C4orf51: variants seen among roughly 807,000 people sequenced by gnomAD.
C4orf51 encodes the protein uncharacterized protein C4orf51.
Under a neutral mutation model 25.2 loss-of-function variants are expected in C4orf51, and 25 were observed. The observed-to-expected ratio is 0.99, with a 90% confidence interval of 0.72 to 1.39. The LOEUF (loss-of-function observed/expected upper bound fraction) is 1.39. Ranked by LOEUF, C4orf51 falls within the 40% of genes most tolerant of loss-of-function variation. C4orf51 has a pLI of 0.00. For synonymous variants in C4orf51, 100 were observed against 84.5 expected (o/e 1.18, Z -1.01); for missense variants, 252 against 239.6 (o/e 1.05, Z -0.34).
intron 2 of C4orf51, among the ~76,000 whole-genome samples, chr4:145,697,328 G>C (rs970046304): frequency 1.3e-5 from 2 of 152,056 alleles, no homozygotes; most frequent in Non-Finnish European, 2.9e-5. Flanking sequence ...TCAAACTCCT[G>C]ACCTTGTGAT....
Position 145,680,287 on chromosome 4 carries a change from C to G in C4orf51, c.84C>G (p.Arg28=), listed in dbSNP as rs768212470. 2 of 1,613,976 alleles carry G rather than the reference C, an allele frequency of 1.2e-6. No individual in the cohort carries two copies. Among genetic ancestry groups the G allele is most frequent in the South Asian group, 1.1e-5 (1 of 91,088 alleles). ...LTSQEFDLIR[R]KAGASWQDET... The stretch of plus-strand genomic sequence containing the variant: ...CTCAAGAGTTTGATCTGATCAGACG[C>G]AAGGCTGGAGCATCTTGGCAGGATG... The change falls in exon 1 of 6, where the codon CGC becomes CGG. Residue 28 remains arginine (R), a synonymous_variant. Coordinates refer to ENST00000438731, the MANE Select transcript of C4orf51 (RefSeq NM_001080531.3).
chr4:145,732,497 G>A lies in C4orf51; in HGVS notation c.546G>A (p.Glu182=), dbSNP rs1244505632. The change falls in exon 6 of 6, where the codon GAG becomes GAA. Residue 182 remains glutamate (E), a synonymous_variant. Coordinates refer to ENST00000438731, the MANE Select transcript of C4orf51 (RefSeq NM_001080531.3). ...CDSESKVCSS[E]DSEADRYSDY... Reference sequence around the variant, plus strand: ...CTGAAAGCAAGGTTTGCTCATCTGAGGATTCAGAAGCTGATCGATACTCCG... The same window carrying A: ...CTGAAAGCAAGGTTTGCTCATCTGAAGATTCAGAAGCTGATCGATACTCCG... 6.2e-7 allele frequency: 1 copy of A among 1,611,468 alleles called. No individual in the cohort carries two copies. Among genetic ancestry groups the A allele is most frequent in the Non-Finnish European group, 8.5e-7 (1 of 1,179,010 alleles).
chr4:145,774,568 G>T, downstream of C4orf51: 1 of 1,613,138 alleles, frequency 6.2e-7, no homozygotes, highest in Non-Finnish European at 8.5e-7. Context: ...GAAGTCGCAG[G>T]CAGTGCAGCA....
In C4orf51 at chr4:145,693,923, C is replaced by T. The variant is rs1260649673; in HGVS notation, c.234-2636C>T. ...CTTCCCAGATGGGGTGGCTGCCGGGCGGAGACGCTCCTCACTTCCCAGATG... is the reference window on the plus strand; with the variant it reads ...CTTCCCAGATGGGGTGGCTGCCGGGTGGAGACGCTCCTCACTTCCCAGATG... On this transcript the variant is annotated intron_variant, in intron 1 of 5. Coordinates refer to ENST00000438731, the MANE Select transcript of C4orf51 (RefSeq NM_001080531.3). Among the ~76,000 whole-genome samples the T allele has an allele frequency of 4.2e-5, 6 of 143,928 alleles. 1 individual carries two copies. The highest frequency in any genetic ancestry group is 7.8e-5 in the African/African-American group (3 of 38,544). The allele number at this position is 143,928 out of a possible 152,430, so 94.4% of individuals were successfully genotyped here. A position where few individuals can be genotyped will look rare whatever the true frequency, so the allele number is the denominator to read the frequency against.
the C4orf51 span, among the ~76,000 whole-genome samples, chr4:145,780,993 G>T: frequency 1.3e-5 from 2 of 152,140 alleles, 1 homozygote; most frequent in South Asian, 4.2e-4. Flanking sequence ...TCAGAAGATC[G>T]AGACCATCCT....
In C4orf51 at chr4:145,729,224, A is replaced by C; in HGVS notation, c.422A>C (p.Lys141Thr). 1.2e-6 allele frequency: 2 copies of C among 1,603,594 alleles called. No individual in the cohort carries two copies. The highest frequency in any genetic ancestry group is 1.7e-6 in the Non-Finnish European group (2 of 1,171,978). Residue 141 changes from lysine to threonine, a missense_variant, in exon 4 of 6, where the codon AAA (lysine) becomes ACA (threonine). Transcript: ENST00000438731. ...DCFPTPPNYGKYCVRPKKPAQ... is the reference protein window; with the variant it reads ...DCFPTPPNYGTYCVRPKKPAQ... ...TTTCCGACACCTCCAAATTATGGAA[A>C]ATACTGTAAGTCCCATCCTGAACTA...
intron 3 of C4orf51, among the ~76,000 whole-genome samples, chr4:145,728,767 T>C (rs2126767763): frequency 6.6e-6 from 1 of 152,382 alleles, no homozygotes; most frequent in East Asian, 1.9e-4. Flanking sequence ...ATTTGAATGA[T>C]AATGATAGTA....
At chr4:145,727,059 T>A in intron 3 of C4orf51, 90 bp downstream of exon 3, 1 of 1,011,238 alleles carries the variant, frequency 9.9e-7, no homozygotes, top group Non-Finnish European at 1.5e-6. Flanking sequence ...ACAAAAGGGG[T>A]TAAATTTTTA....
intron 2 of C4orf51, among the ~76,000 whole-genome samples, chr4:145,718,038 T>C (rs546925027): frequency 6.6e-6 from 1 of 152,236 alleles, no homozygotes; most frequent in Non-Finnish European, 1.5e-5. Flanking sequence ...ATGCAAACAA[T>C]GATACAGCTG....
At chr4:145,710,570 AC>A (rs1339001997) in intron 2 of C4orf51, among the ~76,000 whole-genome samples, 3 of 152,126 alleles carry the variant, frequency 2.0e-5, no homozygotes, top group African/African-American at 7.2e-5. Flanking sequence ...AAGGTCATAT[AC>A]CAGTTAAACT....
chr4:145,706,648 CT>C (rs998077896), intron 2 of C4orf51, among the ~76,000 whole-genome samples: 12 of 148,372 alleles, frequency 8.1e-5, no homozygotes, highest in Admixed American at 1.3e-4. Context: ...AAAACAGATT[CT>C]TTTTTTTTTG....
At chr4:145,742,092 C>T (rs1733132775) in intron 1 of C4orf51, among the ~76,000 whole-genome samples, 1 of 152,314 alleles carries the variant, frequency 6.6e-6, no homozygotes, top group South Asian at 2.1e-4. Context: ...CATTCTGTAA[C>T]CTACTGGAAT....
intron 2 of C4orf51, among the ~76,000 whole-genome samples, chr4:145,706,671 C>T (rs1019970908): frequency 2.6e-5 from 4 of 152,022 alleles, no homozygotes; most frequent in African/African-American, 4.8e-5. Context: ...GACAGAGTCT[C>T]GCTCTGTCGC....
At position 145,761,210 on chromosome 4, in the gene C4orf51, C is replaced by A. The variant is rs561734416; in HGVS notation, n.167-9778C>A. The stretch of plus-strand genomic sequence containing the variant: ...CAGTCCCCACTCTGGTGCTTCTTGA[C>A]GTGGCGGCTGAAGACGAAAGGGTGT... On this transcript the variant is annotated intron_variant and non_coding_transcript_variant, in intron 1 of 1. Coordinates refer to the C4orf51 transcript ENST00000510096. This position sits in a 1 kb window ranked among gnomAD's most constrained non-coding sequence, Gnocchi z 6.8. 7.8e-7 allele frequency: 1 copy of A among 1,289,856 alleles called. No individual in the cohort carries two copies. Among genetic ancestry groups the A allele is most frequent in the East Asian group, 5.5e-5 (1 of 18,020 alleles). The allele number at this position is 1,289,856 out of a possible 1,614,324, so 79.9% of individuals were successfully genotyped here. A position where few individuals can be genotyped will look rare whatever the true frequency, so the allele number is the denominator to read the frequency against.
chr4:145,741,871 T>C (rs1733121177), intron 1 of C4orf51, among the ~76,000 whole-genome samples: 1 of 151,918 alleles, frequency 6.6e-6, no homozygotes, highest in South Asian at 2.1e-4. Flanking sequence ...TAATTTTTGT[T>C]GTTGTTGTTA....
At chr4:145,780,962 C>T in the C4orf51 span, among the ~76,000 whole-genome samples, 5 of 152,120 alleles carry the variant, frequency 3.3e-5, no homozygotes, top group Middle Eastern at 3.4e-3. Context: ...TTCGGGAGGC[C>T]GAGGCAGGGG....
chr4:145,761,108 C>G lies in C4orf51; in HGVS notation n.167-9880C>G, dbSNP rs1381719971. 7.8e-7 allele frequency: 1 copy of G among 1,289,540 alleles called. No individual in the cohort carries two copies. The highest frequency in any genetic ancestry group is 1.0e-6 in the Non-Finnish European group (1 of 988,706). The allele number at this position is 1,289,540 out of a possible 1,614,324, so 79.9% of individuals were successfully genotyped here. A position where few individuals can be genotyped will look rare whatever the true frequency, so the allele number is the denominator to read the frequency against. On this transcript the variant is annotated intron_variant and non_coding_transcript_variant, in intron 1 of 1. Transcript: ENST00000510096. The surrounding 1 kb of genome is among the most constrained non-coding windows in gnomAD (Gnocchi z 6.8). ...GGAGACAGGAGATTCCGGGAGCTCCCGACCACCAGGAGCGGGGCCCCCGGG... is the reference window on the plus strand; with the variant it reads ...GGAGACAGGAGATTCCGGGAGCTCCGGACCACCAGGAGCGGGGCCCCCGGG...
chr4:145,753,424 C>T (rs1014346010), intron 1 of C4orf51, among the ~76,000 whole-genome samples: 9 of 151,904 alleles, frequency 5.9e-5, no homozygotes, highest in African/African-American at 2.2e-4. Flanking sequence ...CCATCCTATC[C>T]ATCAGTCCAT....
chr4:145,770,844 G>A (rs1004271506), intron 1 of C4orf51: 1 of 152,136 alleles, frequency 6.6e-6, no homozygotes, highest in African/African-American at 2.4e-5. Flanking sequence ...GGGTCACAGG[G>A]CATTACATTT....
Sources: allele counts gnomAD v4.1 joint callset (sites outside exome capture counted in the v4.1 genomes callset), GRCh38; gene constraint gnomAD v4.1.1; non-coding constraint Gnocchi (gnomAD v3.1); transcripts MANE v1.5; gene names NCBI Gene and HGNC (gene_info 2026-07-23, HGNC 2026-07-21).